The following MYO5C variants were observed in gnomAD, a reference collection of about 807,000 sequenced individuals.
The protein encoded by MYO5C is unconventional myosin-Vc.
In MYO5C, 194 loss-of-function variants were observed where a neutral mutation model predicts 235.7. The ratio of observed to expected loss-of-function variants is 0.82; its 90% CI spans 0.73 to 0.93. The LOEUF (loss-of-function observed/expected upper bound fraction) is 0.93. MYO5C is among the 40% of genes least tolerant of loss of function. MYO5C has a pLI of 0.00. For missense variants in MYO5C, 2,038 were observed against 2,127.2 expected, an observed-to-expected ratio of 0.96 and a Z score of 0.82; for synonymous variants, 707 against 754.8, an observed-to-expected ratio of 0.94 and a Z score of 1.04.
chr15:52,211,710 A>T lies in MYO5C; in HGVS notation c.4296+20T>A. The stretch of plus-strand genomic sequence containing the variant: ...CCCATAGATGTGATACCAGGGGCCA[A>T]TGTCAAAGGCATTTCCTACCTTAAC... On this transcript the variant is annotated intron_variant, in intron 35 of 40. Coordinates refer to ENST00000261839, the MANE Select transcript of MYO5C (RefSeq NM_018728.4). The T allele has an allele frequency of 1.2e-6, 2 of 1,610,502 alleles. No homozygotes were observed. Among genetic ancestry groups the T allele is most frequent in the South Asian group, 2.2e-5 (2 of 90,572 alleles).
rs2035891734 is a variant in MYO5C, at chr15:52,229,054, C to G, written c.3207+79G>C. On this transcript the variant is annotated intron_variant, in intron 25 of 40. Transcript: ENST00000261839. ...GTGGCCTTTACACAGATGCTTTTAGCTGTCTAATCTGTGGGAACTTGGAAT... is the reference window on the plus strand; with the variant it reads ...GTGGCCTTTACACAGATGCTTTTAGGTGTCTAATCTGTGGGAACTTGGAAT... The G allele has an allele frequency of 3.2e-6, 5 of 1,539,086 alleles. No individual in the cohort carries two copies. The African/African-American group carries it at 6.8e-5, about 21-fold the overall frequency.
At chr15:52,266,113 C>G (rs1183850550) in intron 8 of MYO5C, among the ~76,000 whole-genome samples, 1 of 152,210 alleles carries the variant, frequency 6.6e-6, no homozygotes, top group Non-Finnish European at 1.5e-5. Flanking sequence ...TAACTAAACC[C>G]CTTAAACTAC....
At chr15:52,205,354 G>A in intron 37 of MYO5C, 1 of 590,210 alleles carries the variant, frequency 1.7e-6, no homozygotes, top group Non-Finnish European at 3.0e-6. Flanking sequence ...CAGCGGGGCT[G>A]CAGCTCCTCT....
chr15:52,206,249 C>T (rs2035310703), intron 36 of MYO5C, among the ~76,000 whole-genome samples: 1 of 152,080 alleles, frequency 6.6e-6, no homozygotes, highest in African/African-American at 2.4e-5. Flanking sequence ...CATGGAAGCG[C>T]ATAGGAAAAT....
In MYO5C at chr15:52,246,911, A is replaced by G. The variant is rs145319239; in HGVS notation, c.1979+6T>C. ...TCTTCGCTGTGTGTTGCATAAGAAC[A>G]CTTACTCAAAGGGTAACTTCTCATC... On this transcript the variant is annotated splice_donor_region_variant and intron_variant, in intron 16 of 40. Transcript: ENST00000261839. The G allele has an allele frequency of 9.7e-4, 1,570 of 1,611,370 alleles. 12 individuals carry two copies. In the East Asian group the frequency reaches 0.018, roughly 18 times the overall value.
At chr15:52,237,924 C>CG (rs1020740827) in intron 21 of MYO5C, among the ~76,000 whole-genome samples, 1 of 151,848 alleles carries the variant, frequency 6.6e-6, no homozygotes, top group African/African-American at 2.4e-5. Context: ...ACTGTGCCCC[C>CG]CGCCAAAATT....
chr15:52,217,297 G>A (rs2035578151), intron 32 of MYO5C, among the ~76,000 whole-genome samples: 1 of 152,248 alleles, frequency 6.6e-6, no homozygotes, highest in African/African-American at 2.4e-5. Flanking sequence ...AGCAGAGCCA[G>A]ACACTTGGAG....
chr15:52,281,172 A>T (rs967834509), intron 2 of MYO5C, among the ~76,000 whole-genome samples: 2 of 152,258 alleles, frequency 1.3e-5, no homozygotes, highest in African/African-American at 4.8e-5. Context: ...TATGTGTGAA[A>T]GCAACAGGGA....
intron 34 of MYO5C, among the ~76,000 whole-genome samples, chr15:52,212,688 A>G (rs2035470937): frequency 6.6e-6 from 1 of 152,246 alleles, no homozygotes; most frequent in African/African-American, 2.4e-5. Flanking sequence ...GAGCATGCAC[A>G]TGGGACATTC....
chr15:52,294,531 C>T (rs2037458273), intron 1 of MYO5C, among the ~76,000 whole-genome samples: 2 of 152,166 alleles, frequency 1.3e-5, no homozygotes, highest in Non-Finnish European at 2.9e-5. Context: ...TTTTAAATAA[C>T]TATCTTTTCT....
At chr15:52,221,383 C>A in intron 29 of MYO5C, 128 bp from the exon 30 acceptor site, 1 of 641,042 alleles carries the variant, frequency 1.6e-6, no homozygotes, top group Non-Finnish European at 2.6e-6. Flanking sequence ...AAGAGCTAGC[C>A]ACGACATTAG....
At chr15:52,245,894 G>T in intron 17 of MYO5C, 62 bp downstream of exon 17, 1 of 1,454,926 alleles carries the variant, frequency 6.9e-7, no homozygotes, top group Non-Finnish European at 9.6e-7. Flanking sequence ...CCATGTCCTT[G>T]GTTCTCAGCA....
rs996888676 is a variant in MYO5C at position 52,287,703 on chromosome 15, G to C, written c.28-4811C>G. Among the ~76,000 whole-genome samples the C allele has an allele frequency of 3.3e-5, 5 of 152,162 alleles. No individual in the cohort carries two copies. The East Asian group carries it at 9.6e-4, about 29-fold the overall frequency. On this transcript the variant is annotated intron_variant, in intron 1 of 40. Transcript: ENST00000261839. Reference sequence around the variant, plus strand: ...CTTCAAAAGGAAGTTCTGGCCAGGCGCGGTGGCTCACGTGTGTAATCCCAG... The same window carrying C: ...CTTCAAAAGGAAGTTCTGGCCAGGCCCGGTGGCTCACGTGTGTAATCCCAG...
At chr15:52,210,954 G>C (rs2035429141) in intron 35 of MYO5C, among the ~76,000 whole-genome samples, 1 of 152,202 alleles carries the variant, frequency 6.6e-6, no homozygotes, top group African/African-American at 2.4e-5. Context: ...TGCTCATAAA[G>C]AGTTCAGTTG....
chr15:52,230,307 C>A (rs1019539995), intron 24 of MYO5C, among the ~76,000 whole-genome samples: 3 of 152,188 alleles, frequency 2.0e-5, no homozygotes, highest in African/African-American at 7.2e-5. Flanking sequence ...GCTGAGCTGT[C>A]ATTTCAGTTC....
chr15:52,261,213 C>A (rs2036688825), intron 9 of MYO5C, 86 bp from the exon 10 acceptor site: 1 of 1,499,440 alleles, frequency 6.7e-7, no homozygotes, highest in Non-Finnish European at 9.0e-7. Flanking sequence ...CGTGCCCACA[C>A]TCAGGCCTGT....
At chr15:52,285,439 C>CG (rs2037242733) in intron 1 of MYO5C, among the ~76,000 whole-genome samples, 1 of 145,000 alleles carries the variant, frequency 6.9e-6, no homozygotes, top group East Asian at 2.0e-4. Flanking sequence ...CTCCCTCTCC[C>CG]TCTCCCTCCT....
rs2037394276 is a variant in MYO5C, at chr15:52,291,736, T to TTTTTTTTTG, written c.27+3873_27+3874insCAAAAAAAA. Among the ~76,000 whole-genome samples the TTTTTTTTTG allele has an allele frequency of 2.8e-5, 2 of 71,404 alleles. 1 individual carries two copies. Among genetic ancestry groups the TTTTTTTTTG allele is most frequent in the Non-Finnish European group, 6.5e-5 (2 of 30,972 alleles). The allele number at this position is 71,404 out of a possible 152,430, so 46.8% of individuals were successfully genotyped here. Reference sequence around the variant, plus strand: ...TCTTTGTTTGCATATTTTATGTTTTTTTTTTTTTTTTTTTTTTTTTGAGAC... The same window carrying TTTTTTTTTG: ...TCTTTGTTTGCATATTTTATGTTTTTTTTTTTTTGTTTTTTTTTTTTTTTTTTTTGAGAC... On this transcript the variant is annotated intron_variant, in intron 1 of 40. Transcript: ENST00000261839.
At chr15:52,270,678 G>C (rs2036903726) in intron 7 of MYO5C, among the ~76,000 whole-genome samples, 1 of 149,746 alleles carries the variant, frequency 6.7e-6, no homozygotes, top group African/African-American at 2.4e-5. Flanking sequence ...ATATATGTAT[G>C]TATGTATACA....
Sources: gnomAD v4.1 joint callset for allele counts (sites outside exome capture counted in the v4.1 genomes callset) on GRCh38, gnomAD v4.1.1 for gene constraint, MANE v1.5 for transcripts, NCBI Gene and HGNC (gene_info 2026-07-23, HGNC 2026-07-21) for gene names.